The following VMP1 variants were observed in gnomAD, a reference collection of about 807,000 sequenced individuals.
VMP1 encodes vacuole membrane protein 1, also known as ectopic P-granules autophagy protein 3 homolog.
A neutral mutation model predicts 56.0 loss-of-function variants in VMP1; 11 were observed. The observed-to-expected ratio is 0.20, with a 90% confidence interval of 0.12 to 0.32. The LOEUF is 0.32. Among genes scored for constraint, VMP1 ranks in the 10% least tolerant of loss-of-function variants. VMP1 has a pLI of 1.00. For missense variants in VMP1, 296 were observed against 490.3 expected (o/e 0.60, Z 3.74); for synonymous variants, 149 against 165.0 (o/e 0.90, Z 0.74).
chr17:59,797,646 G>T (rs1482641308), intron 7 of VMP1, among the ~76,000 whole-genome samples: 1 of 152,154 alleles, frequency 6.6e-6, no homozygotes, highest in Non-Finnish European at 1.5e-5. Context: ...AGAGGCCAAG[G>T]CAGGCAGATC....
At chr17:59,812,337 C>T (rs1279040886) in intron 9 of VMP1, among the ~76,000 whole-genome samples, 4 of 151,974 alleles carry the variant, frequency 2.6e-5, no homozygotes, top group African/African-American at 4.8e-5. Flanking sequence ...TCTGAAGAGG[C>T]GAGGAGATGT....
intron 10 of VMP1, among the ~76,000 whole-genome samples, chr17:59,832,638 G>T (rs1332967913): frequency 1.3e-5 from 2 of 151,602 alleles, no homozygotes; most frequent in African/African-American, 4.9e-5. Flanking sequence ...CTGTCGCCCA[G>T]GCTGGAGTGC....
At chr17:59,836,503 G>A (rs1175017911) in intron 10 of VMP1, among the ~76,000 whole-genome samples, 3 of 151,988 alleles carry the variant, frequency 2.0e-5, no homozygotes, top group South Asian at 2.1e-4. Flanking sequence ...TGGCCTAGAG[G>A]ACCTTTTTAA....
intron 6 of VMP1, among the ~76,000 whole-genome samples, chr17:59,765,455 A>G (rs1010705925): frequency 6.6e-6 from 1 of 152,234 alleles, no homozygotes; most frequent in Non-Finnish European, 1.5e-5. Flanking sequence ...CCCCCTGTGC[A>G]GTAGGAAATC....
chr17:59,709,034 G>A (rs1281754969), intron 1 of VMP1, among the ~76,000 whole-genome samples: 4 of 152,176 alleles, frequency 2.6e-5, no homozygotes, highest in South Asian at 2.1e-4. Flanking sequence ...TCACATTCCA[G>A]AAGAAAATAT....
chr17:59,744,544 C>G (rs2035353299), intron 5 of VMP1, among the ~76,000 whole-genome samples: 1 of 146,734 alleles, frequency 6.8e-6, no homozygotes, highest in Non-Finnish European at 1.5e-5. Flanking sequence ...AGTCTCAGCA[C>G]TTTGAGAGGC....
chr17:59,761,316 G>T (rs534678207), intron 5 of VMP1, among the ~76,000 whole-genome samples: 61 of 152,108 alleles, frequency 4.0e-4, no homozygotes, highest in African/African-American at 1.4e-3. Flanking sequence ...TATTTCTTTT[G>T]GTTATGAGTT....
chr17:59,722,901 A>T (rs2034455212), intron 1 of VMP1, among the ~76,000 whole-genome samples: 1 of 152,220 alleles, frequency 6.6e-6, no homozygotes, highest in Non-Finnish European at 1.5e-5. Flanking sequence ...TTGAGTCTTT[A>T]ACTCCTAAAT....
At chr17:59,737,923 C>T (rs2035077443) in intron 4 of VMP1, among the ~76,000 whole-genome samples, 1 of 152,072 alleles carries the variant, frequency 6.6e-6, no homozygotes, top group African/African-American at 2.4e-5. Context: ...GCACCTGCCA[C>T]CACACCCAGC....
chr17:59,724,974 A>C (rs2034545111), intron 1 of VMP1, among the ~76,000 whole-genome samples: 1 of 138,636 alleles, frequency 7.2e-6, no homozygotes, highest in Admixed American at 7.1e-5. Flanking sequence ...TCAAAAAAAA[A>C]AACAAAAACA....
At chr17:59,725,105 C>T (rs1223473075) in intron 1 of VMP1, among the ~76,000 whole-genome samples, 3 of 151,988 alleles carry the variant, frequency 2.0e-5, no homozygotes, top group Middle Eastern at 3.2e-3. Flanking sequence ...TGCAGTGAGC[C>T]GAGATTGTGC....
chr17:59,772,791 C>T (rs1052233753), intron 6 of VMP1, among the ~76,000 whole-genome samples: 3 of 151,234 alleles, frequency 2.0e-5, no homozygotes, highest in Non-Finnish European at 4.4e-5. Flanking sequence ...AAAAAGAAAA[C>T]TTATTCATCC....
intron 10 of VMP1, among the ~76,000 whole-genome samples, chr17:59,826,362 G>A (rs1310330390): frequency 1.3e-5 from 2 of 152,190 alleles, no homozygotes; most frequent in Non-Finnish European, 2.9e-5. Context: ...TTAGTAGCAT[G>A]ATGAAAATTA....
At chr17:59,801,990 C>G (rs952937942) in intron 7 of VMP1, among the ~76,000 whole-genome samples, 1 of 152,022 alleles carries the variant, frequency 6.6e-6, no homozygotes, top group Admixed American at 6.6e-5. Flanking sequence ...CACTTGAGGT[C>G]AGGAGTTCGA....
chr17:59,812,016 CTCTT>C (rs775725507), intron 9 of VMP1, among the ~76,000 whole-genome samples: 20 of 151,710 alleles, frequency 1.3e-4, no homozygotes, highest in Admixed American at 5.3e-4. Flanking sequence ...CTTCCTTTCT[CTCTT>C]TCTTTCTTTA....
At chr17:59,724,231 G>GAAAAGAAAAAGAA (rs2034508578) in intron 1 of VMP1, among the ~76,000 whole-genome samples, 1 of 145,446 alleles carries the variant, frequency 6.9e-6, no homozygotes, top group African/African-American at 2.5e-5. Flanking sequence ...AAAAAAGAAA[G>GAAAAGAAAAAGAA]AAAAGAAAAA....
At chr17:59,781,638 G>A (rs1198373343) in intron 7 of VMP1, among the ~76,000 whole-genome samples, 5 of 152,002 alleles carry the variant, frequency 3.3e-5, no homozygotes, top group African/African-American at 9.7e-5. Flanking sequence ...ATCTAAAAAC[G>A]TGAACATTTT....
In VMP1 at chr17:59,773,813, C is replaced by G. The variant is rs747520956; in HGVS notation, c.642C>G (p.Leu214=). ...ATTTCATGGCCAGAGCAGCTCGCCTCTCAGGTGCTGAACCAGATGATGAAG... is the reference window on the plus strand; with the variant it reads ...ATTTCATGGCCAGAGCAGCTCGCCTGTCAGGTGCTGAACCAGATGATGAAG... ...PPYFMARAAR[L]SGAEPDDEEY... Residue 214 remains leucine, a synonymous_variant, in exon 7 of 12, where the codon CTC becomes CTG. Coordinates refer to ENST00000262291, the MANE Select transcript of VMP1 (RefSeq NM_030938.5). 9 of 1,613,768 alleles carry G rather than the reference C, an allele frequency of 5.6e-6. No homozygotes were observed. In the South Asian group the frequency reaches 8.8e-5, roughly 16 times the overall value.
chr17:59,820,760 T>A (rs1011337619), intron 10 of VMP1, among the ~76,000 whole-genome samples: 1 of 152,212 alleles, frequency 6.6e-6, no homozygotes, highest in Non-Finnish European at 1.5e-5. Context: ...GCGTCTTGAC[T>A]GACATATAGC....
Sources: allele counts gnomAD v4.1 joint callset (sites outside exome capture counted in the v4.1 genomes callset), GRCh38; gene constraint gnomAD v4.1.1; transcripts MANE v1.5; gene names NCBI Gene and HGNC (gene_info 2026-07-23, HGNC 2026-07-21).